OR3A2: variants seen among roughly 807,000 people sequenced by gnomAD.
OR3A2 encodes olfactory receptor family 3 subfamily A member 2, also known as olfactory receptor 3A2.
For synonymous variants in OR3A2, 126 were observed against 159.3 expected (o/e 0.79, Z 1.57); for missense variants, 318 against 392.8 (o/e 0.81, Z 1.61).
chr17:3,349,941 A>C (rs1187149346), intron 2 of OR3A2, among the ~76,000 whole-genome samples: 3 of 151,614 alleles, frequency 2.0e-5, no homozygotes, highest in Non-Finnish European at 2.9e-5. Flanking sequence ...TACTGGGTAC[A>C]TAATGAAATG....
chr17:3,292,376 T>C lies in OR3A2; in HGVS notation c.-84-13223A>G, dbSNP rs530368229. On this transcript the variant is annotated intron_variant, in intron 3 of 4. Coordinates refer to the OR3A2 transcript ENST00000573491. ...TGATGCACCCAACATCCAGCACTGA[T>C]AGGTTCCCCAGGAAGAAGTACATGG... 5.6e-6 allele frequency: 9 copies of C among 1,613,828 alleles called. No homozygotes were observed. In the East Asian group the frequency reaches 1.6e-4, roughly 28 times the overall value.
chr17:3,374,376 T>G (rs1221329911), intron 2 of OR3A2, among the ~76,000 whole-genome samples: 1 of 152,232 alleles, frequency 6.6e-6, no homozygotes. Context: ...TCCTCAATTA[T>G]TCCCTTCAGT....
chr17:3,380,583 T>C (rs1024374268), intron 2 of OR3A2, among the ~76,000 whole-genome samples: 7 of 152,078 alleles, frequency 4.6e-5, no homozygotes, highest in African/African-American at 1.7e-4. Context: ...GATACAACAG[T>C]TAAGATGTTT....
chr17:3,339,791 T>C (rs1038403724), intron 2 of OR3A2, among the ~76,000 whole-genome samples: 18 of 152,210 alleles, frequency 1.2e-4, no homozygotes, highest in African/African-American at 4.3e-4. Flanking sequence ...CCTCATAAAA[T>C]GAGTTAGGGT....
chr17:3,303,339 T>G (rs1187006935), intron 3 of OR3A2, among the ~76,000 whole-genome samples: 1 of 152,208 alleles, frequency 6.6e-6, no homozygotes, highest in Non-Finnish European at 1.5e-5. Flanking sequence ...CACTAAAATT[T>G]CAAGCCTCTA....
At chr17:3,379,340 G>T (rs1444335602) in intron 2 of OR3A2, among the ~76,000 whole-genome samples, 1 of 152,176 alleles carries the variant, frequency 6.6e-6, no homozygotes, top group African/African-American at 2.4e-5. Context: ...AAAGGCTTCA[G>T]AACAAGGAAC....
chr17:3,348,863 T>C (rs2049393868), intron 2 of OR3A2, among the ~76,000 whole-genome samples: 1 of 151,862 alleles, frequency 6.6e-6, no homozygotes, highest in African/African-American at 2.4e-5. Flanking sequence ...CAGAAGAGAG[T>C]GGGGGCCAAT....
chr17:3,317,425 C>A (rs1233421230), intron 3 of OR3A2, among the ~76,000 whole-genome samples: 1 of 152,134 alleles, frequency 6.6e-6, no homozygotes, highest in African/African-American at 2.4e-5. Context: ...AATACAAATC[C>A]AGCATCTTCT....
At chr17:3,360,922 A>G (rs2049508819) in intron 2 of OR3A2, among the ~76,000 whole-genome samples, 1 of 151,638 alleles carries the variant, frequency 6.6e-6, no homozygotes, top group Non-Finnish European at 1.5e-5. Flanking sequence ...GCTCCATATG[A>G]ACTTTAAAGT....
At chr17:3,300,998 C>T (rs7213833) in intron 3 of OR3A2, among the ~76,000 whole-genome samples, 2 of 152,004 alleles carry the variant, frequency 1.3e-5, no homozygotes, top group Admixed American at 1.3e-4. Context: ...AGCTTCATCC[C>T]TGTCCTTACA....
At chr17:3,305,251 T>C (rs1354288574) in intron 3 of OR3A2, among the ~76,000 whole-genome samples, 1 of 149,018 alleles carries the variant, frequency 6.7e-6, no homozygotes, top group Admixed American at 6.7e-5. Context: ...ATGTCTTCGT[T>C]TTTTTCCTTC....
intron 2 of OR3A2, among the ~76,000 whole-genome samples, chr17:3,380,409 G>A (rs1189972196): frequency 6.6e-6 from 1 of 152,172 alleles, no homozygotes; most frequent in African/African-American, 2.4e-5. Context: ...AGTTCTCCGG[G>A]TGCTGCTTTC....
At chr17:3,371,026 A>G (rs1046478384) in intron 2 of OR3A2, among the ~76,000 whole-genome samples, 31 of 152,066 alleles carry the variant, frequency 2.0e-4, no homozygotes, top group African/African-American at 7.2e-4. Flanking sequence ...CTTTCTACAC[A>G]GACACGGCAA....
intron 3 of OR3A2, chr17:3,292,131 G>T (rs2048877402): frequency 6.2e-7 from 1 of 1,614,166 alleles, no homozygotes; most frequent in Non-Finnish European, 8.5e-7. Flanking sequence ...ACAAGCCCAG[G>T]ACGCAGCCAC....
intron 2 of OR3A2, among the ~76,000 whole-genome samples, chr17:3,360,990 T>C (rs1319939430): frequency 6.6e-6 from 1 of 151,490 alleles, no homozygotes. Flanking sequence ...TGGCATTGAA[T>C]CTATAAATTA....
chr17:3,280,273 A>AC lies in OR3A2; in HGVS notation c.-6-1351_-6-1350insG, dbSNP rs1363382845. On this transcript the variant is annotated intron_variant, in intron 1 of 1. Coordinates refer to ENST00000642052, the Ensembl canonical transcript of OR3A2. ...AAACCACGCTGAAGTCATTTTTCAG[A>AC]TTTTTTTTTTTTTTTTGAGACAGAG... Among the ~76,000 whole-genome samples the AC allele has an allele frequency of 3.5e-5, 5 of 141,302 alleles. No homozygotes were observed. In the South Asian group the frequency reaches 1.1e-3, roughly 32 times the overall value. The allele number at this position is 141,302 out of a possible 152,430, so 92.7% of individuals were successfully genotyped here. A position where few individuals can be genotyped will look rare whatever the true frequency, so the allele number is the denominator to read the frequency against.
At chr17:3,334,164 A>T (rs951359182) in intron 3 of OR3A2, among the ~76,000 whole-genome samples, 2 of 152,218 alleles carry the variant, frequency 1.3e-5, no homozygotes, top group East Asian at 1.9e-4. Flanking sequence ...GTGGGAGTGT[A>T]AATTAGTTCA....
At chr17:3,279,681 A>C (rs2048765484) in intron 1 of OR3A2, among the ~76,000 whole-genome samples, 1 of 152,182 alleles carries the variant, frequency 6.6e-6, no homozygotes, top group African/African-American at 2.4e-5. Flanking sequence ...CTAGCTACTC[A>C]GTAGGCTGAG....
intron 3 of OR3A2, among the ~76,000 whole-genome samples, chr17:3,293,028 C>T (rs567169256): frequency 2.0e-5 from 3 of 152,046 alleles, no homozygotes; most frequent in Admixed American, 2.0e-4. Context: ...TAGTAAGTGT[C>T]CACAACCCCA....
Sources: allele counts gnomAD v4.1 joint callset (sites outside exome capture counted in the v4.1 genomes callset), GRCh38; gene constraint gnomAD v4.1.1; transcripts MANE v1.5; gene names NCBI Gene and HGNC (gene_info 2026-07-23, HGNC 2026-07-21).